The following ALLC variants were observed in gnomAD, a reference collection of about 807,000 sequenced individuals.
ALLC encodes the protein allantoicase, also known as probable inactive allantoicase.
A neutral mutation model predicts 45.0 loss-of-function variants in ALLC; 40 were observed. The ratio of observed to expected loss-of-function variants is 0.89; its 90% CI spans 0.69 to 1.16. The LOEUF (loss-of-function observed/expected upper bound fraction) is 1.16. ALLC is among the 50% of genes most tolerant of loss of function. The pLI is 0.00. For synonymous variants in ALLC, 176 were observed against 178.1 expected (o/e 0.99, Z 0.09); for missense variants, 488 against 493.1 (o/e 0.99, Z 0.10).
At chr2:3,667,580 A>T (rs1363442776) in intron 1 of ALLC, among the ~76,000 whole-genome samples, 1 of 152,202 alleles carries the variant, frequency 6.6e-6, no homozygotes, top group Non-Finnish European at 1.5e-5. Flanking sequence ...CACTTGTAGC[A>T]TGTGAATGAT....
chr2:3,656,753 T>C (rs1051646062), upstream of ALLC, among the ~76,000 whole-genome samples: 1 of 145,498 alleles, frequency 6.9e-6, no homozygotes, highest in African/African-American at 2.8e-5. Flanking sequence ...TGGAAGCACA[T>C]TAGATTGTAG....
At chr2:3,649,001 A>G in the ALLC span, among the ~76,000 whole-genome samples, 1 of 152,136 alleles carries the variant, frequency 6.6e-6, no homozygotes, top group African/African-American at 2.4e-5. Context: ...CCCGTAGAGA[A>G]GCCTGGGTGC....
upstream of ALLC, among the ~76,000 whole-genome samples, chr2:3,658,044 G>A (rs1481406893): frequency 6.6e-6 from 1 of 152,252 alleles, no homozygotes; most frequent in Non-Finnish European, 1.5e-5. Context: ...ACCATGTCTG[G>A]CTTCGGGCCT....
At position 3,698,397 on chromosome 2, in the gene ALLC, G is replaced by A. The variant is rs747411946; in HGVS notation, c.850+941G>A. On this transcript the variant is annotated intron_variant, in intron 10 of 11. Transcript: ENST00000252505. ...TGCATCCCCCTTGGAAAAAGAGCCTGTGAAAAGCACCGGGATGGGAGGCAC... is the reference window on the plus strand; with the variant it reads ...TGCATCCCCCTTGGAAAAAGAGCCTATGAAAAGCACCGGGATGGGAGGCAC... Among the ~76,000 whole-genome samples the A allele has an allele frequency of 2.8e-4, 42 of 152,212 alleles. 1 individual carries two copies. Among genetic ancestry groups the A allele is most frequent in the Admixed American group, 2.2e-3 (33 of 15,280 alleles).
At chr2:3,685,496 G>A (rs1028241805) in intron 7 of ALLC, among the ~76,000 whole-genome samples, 7 of 150,520 alleles carry the variant, frequency 4.7e-5, no homozygotes, top group African/African-American at 1.7e-4. Flanking sequence ...ACAGAGAAAG[G>A]GGGAAGAGCC....
chr2:3,659,365 C>T (rs1210175617), intron 1 of ALLC, among the ~76,000 whole-genome samples: 4 of 152,182 alleles, frequency 2.6e-5, no homozygotes, highest in Non-Finnish European at 5.9e-5. Context: ...ATTGCCTCAT[C>T]GCCTTGCCGT....
chr2:3,670,188 C>T (rs977131951), intron 1 of ALLC, among the ~76,000 whole-genome samples: 19 of 152,124 alleles, frequency 1.2e-4, no homozygotes, highest in African/African-American at 3.4e-4. Context: ...AGAAAGTGTC[C>T]GTTTCATAGA....
chr2:3,697,977 T>C (rs1667727600), intron 10 of ALLC, among the ~76,000 whole-genome samples: 1 of 150,278 alleles, frequency 6.7e-6, no homozygotes, highest in Admixed American at 6.6e-5. Flanking sequence ...TATTTATTTA[T>C]TTTTGAGATG....
chr2:3,677,783 G>A (rs979740868), intron 3 of ALLC, among the ~76,000 whole-genome samples: 3 of 152,316 alleles, frequency 2.0e-5, no homozygotes, highest in South Asian at 4.1e-4. Flanking sequence ...AAGCAGTAAC[G>A]TAAGATCCTC....
chr2:3,677,441 A>G (rs1667052725), intron 3 of ALLC, among the ~76,000 whole-genome samples: 1 of 152,224 alleles, frequency 6.6e-6, no homozygotes, highest in Non-Finnish European at 1.5e-5. Context: ...TTTGATTGTA[A>G]TAACATTCAA....
rs369048525 is a variant in ALLC, at chr2:3,696,299, C to T, written c.692C>T (p.Ala231Val). ...GGAGTTGGCGGGGCAAAGTCTATGG[C>T]GGATGGTTGGGAAACTGCAAGAAGG... ...IIGVGGAKSM[A>V]DGWETARRLD... is the part of the protein sequence containing the mutation. The change falls in exon 9 of 12, where the codon GCG (alanine) becomes GTG (valine). Residue 231 changes from alanine to valine, a missense_variant. Ala to Val is a moderately conservative substitution (Grantham distance 64). Transcript: ENST00000252505. 1.2e-5 allele frequency: 20 copies of T among 1,613,100 alleles called. No individual in the cohort carries two copies. The East Asian group carries it at 3.1e-4, about 25-fold the overall frequency.
At chr2:3,677,020 T>G (rs1262854656) in intron 3 of ALLC, among the ~76,000 whole-genome samples, 1 of 152,182 alleles carries the variant, frequency 6.6e-6, no homozygotes, top group African/African-American at 2.4e-5. Flanking sequence ...ACTCCTGACC[T>G]CAGGTGATCC....
chr2:3,702,250 T>A lies in ALLC; in HGVS notation c.976-113T>A, dbSNP rs1667871256. ...CCAATTATCATCAATTAATAACTTA[T>A]TTTAAAGCCCCTTCGGTTAAGTCTA... On this transcript the variant is annotated intron_variant, in intron 11 of 11. Coordinates refer to ENST00000252505, the MANE Select transcript of ALLC (RefSeq NM_018436.4). 9 of 839,502 alleles carry A rather than the reference T, an allele frequency of 1.1e-5. No individual in the cohort carries two copies. The South Asian group carries it at 1.4e-4, about 13-fold the overall frequency. The allele number at this position is 839,502 out of a possible 1,614,324, so 52.0% of individuals were successfully genotyped here. A position where few individuals can be genotyped will look rare whatever the true frequency, so the allele number is the denominator to read the frequency against.
intron 1 of ALLC, among the ~76,000 whole-genome samples, chr2:3,667,386 A>C (rs1412366340): frequency 6.6e-6 from 1 of 152,194 alleles, no homozygotes; most frequent in Admixed American, 6.5e-5. Flanking sequence ...TGCTGAATGA[A>C]TGAGCACAGA....
In ALLC at chr2:3,682,960, A is replaced by T; in HGVS notation, c.397A>T (p.Ser133Cys). ...AIAELKSDDW[S>C]YLVPMTELKP... ...TTGCTAGCTAAAATCCGACGACTGG[A>T]GTTACTTGGTTCCCATGACTGAGCT... The change falls in exon 7 of 12, where the codon AGT becomes TGT. Residue 133 changes from serine (S) to cysteine (C), a missense_variant. Transcript: ENST00000252505. 6.2e-7 allele frequency: 1 copy of T among 1,612,912 alleles called. No homozygotes were observed. Among genetic ancestry groups the T allele is most frequent in the East Asian group, 2.2e-5 (1 of 44,872 alleles).
chr2:3,668,939 G>A (rs1314852336), intron 1 of ALLC, among the ~76,000 whole-genome samples: 1 of 152,080 alleles, frequency 6.6e-6, no homozygotes, highest in African/African-American at 2.4e-5. Context: ...ATATCAGATG[G>A]TCCCTGAATA....
At chr2:3,675,840 A>T (rs1049317156) in intron 3 of ALLC, among the ~76,000 whole-genome samples, 2 of 152,222 alleles carry the variant, frequency 1.3e-5, no homozygotes, top group African/African-American at 4.8e-5. Context: ...AATACTGCAG[A>T]TGGGTGGTGG....
chr2:3,657,161 C>T (rs1196579444), upstream of ALLC, among the ~76,000 whole-genome samples: 2 of 151,478 alleles, frequency 1.3e-5, no homozygotes, highest in East Asian at 1.9e-4. Flanking sequence ...AAAGGCCGGG[C>T]GAGCTGAGAT....
At chr2:3,666,766 A>G (rs186256054) in intron 1 of ALLC, among the ~76,000 whole-genome samples, 1 of 152,120 alleles carries the variant, frequency 6.6e-6, no homozygotes, top group African/African-American at 2.4e-5. Flanking sequence ...CACCGTTTCA[A>G]ATTCTGCATT....
Sources: gnomAD v4.1 joint callset for allele counts (sites outside exome capture counted in the v4.1 genomes callset) on GRCh38, gnomAD v4.1.1 for gene constraint, MANE v1.5 for transcripts, NCBI Gene and HGNC (gene_info 2026-07-23, HGNC 2026-07-21) for gene names.